The following FAM199X variants were observed in gnomAD, a reference collection of about 807,000 sequenced individuals.
FAM199X encodes the protein protein FAM199X.
FAM199X carries 4 observed loss-of-function variants against 22.9 expected under a neutral mutation model. The observed-to-expected ratio is 0.17, with a 90% CI of 0.09 to 0.40. The LOEUF is 0.40. Among genes scored for constraint, FAM199X ranks in the 10% least tolerant of loss-of-function variants. The pLI, the probability that FAM199X is intolerant of heterozygous loss-of-function variation, is 1.00. For missense variants in FAM199X, 183 were observed against 306.8 expected, an observed-to-expected ratio of 0.60 and a Z score of 3.01; for synonymous variants, 101 against 112.3, an observed-to-expected ratio of 0.90 and a Z score of 0.64.
chrX:104,159,608 C>G, the FAM199X span, among the ~76,000 whole-genome samples: 4 of 112,436 alleles, frequency 3.6e-5, no homozygotes, highest in Non-Finnish European at 7.5e-5. Context: ...CAGAGCTGTT[C>G]TGGGGTCCTA....
chrX:104,159,187 A>G, the FAM199X span, among the ~76,000 whole-genome samples: 1 of 112,325 alleles, frequency 8.9e-6, no homozygotes, highest in African/African-American at 3.2e-5. Context: ...TGGCAGAGGA[A>G]AGACGAGCCA....
chrX:104,184,943 T>C (rs1556378726), intron 2 of FAM199X, among the ~76,000 whole-genome samples: 1 of 108,206 alleles, frequency 9.2e-6, no homozygotes, highest in African/African-American at 3.4e-5. Context: ...TTTTTTCCTT[T>C]CTTTTTTTTT....
Position 104,195,890 on chromosome X carries a change from A to G in FAM199X, c.*6112A>G, listed in dbSNP as rs1922050621. Reference sequence around the variant, plus strand: ...TCAATTTTTAATAAATGTGAGTTAGATACTAAGTGAAATGTGCGTGTGTGT... The same window carrying G: ...TCAATTTTTAATAAATGTGAGTTAGGTACTAAGTGAAATGTGCGTGTGTGT... On this transcript the variant is annotated 3_prime_UTR_variant, in exon 6 of 6. Transcript: ENST00000493442. The G allele has an allele frequency of 9.2e-6, 1 of 109,169 alleles. No individual in the cohort carries two copies. The highest frequency in any genetic ancestry group is 9.7e-5 in the Admixed American group (1 of 10,333). The allele number at this position is 109,169 out of a possible 1,213,427, so 9.0% of individuals were successfully genotyped here.
chrX:104,188,826 AAG>A (rs1491030531), intron 5 of FAM199X, among the ~76,000 whole-genome samples: 4 of 109,823 alleles, frequency 3.6e-5, no homozygotes, highest in African/African-American at 1.3e-4. Flanking sequence ...TAAAAAAAAA[AAG>A]AAGGTATAAG....
the FAM199X span, among the ~76,000 whole-genome samples, chrX:104,161,282 C>T: frequency 1.8e-5 from 2 of 111,893 alleles, no homozygotes; most frequent in Non-Finnish European, 3.8e-5. Context: ...AAATAAATTA[C>T]AATATTTGTA....
Position 104,189,782 on chromosome X carries a change from G to C in FAM199X, c.*4G>C. On this transcript the variant is annotated 3_prime_UTR_variant, in exon 6 of 6. Coordinates refer to ENST00000493442, the MANE Select transcript of FAM199X (RefSeq NM_207318.4). ...AGATGTTGATGTTTTGATGTAATAAGGGTGAATTTATCAACGTTCTTTGTG... is the reference window on the plus strand; with the variant it reads ...AGATGTTGATGTTTTGATGTAATAACGGTGAATTTATCAACGTTCTTTGTG... The C allele has an allele frequency of 8.3e-7, 1 of 1,206,740 alleles. No individual in the cohort carries two copies. The highest frequency in any genetic ancestry group is 1.1e-6 in the Non-Finnish European group (1 of 892,878).
chrX:104,164,776 A>T (rs1279952634), upstream of FAM199X, among the ~76,000 whole-genome samples: 1 of 111,400 alleles, frequency 9.0e-6, no homozygotes, highest in Admixed American at 9.5e-5. Flanking sequence ...GCTACTCAGG[A>T]GGCTGAGGCA....
intron 1 of FAM199X, among the ~76,000 whole-genome samples, chrX:104,170,686 G>A (rs1335210041): frequency 9.0e-6 from 1 of 111,635 alleles, no homozygotes; most frequent in Non-Finnish European, 1.9e-5. Flanking sequence ...AAAAGAAGGT[G>A]GGATGAGAGA....
At chrX:104,179,086 C>T (rs782546389) in intron 2 of FAM199X, among the ~76,000 whole-genome samples, 11 of 111,789 alleles carry the variant, frequency 9.8e-5, no homozygotes, top group South Asian at 3.7e-4. Flanking sequence ...GGTGAGATTG[C>T]GCCATTGCAC....
intron 1 of FAM199X, 144 bp downstream of exon 1, chrX:104,167,126 C>T (rs1921224773): frequency 4.3e-6 from 2 of 470,342 alleles, no homozygotes; most frequent in Non-Finnish European, 6.5e-6. Flanking sequence ...CCTTCCCTGC[C>T]CCCCCTCCCT....
At chrX:104,164,130 T>G (rs921955525), upstream of FAM199X, among the ~76,000 whole-genome samples, 3 of 112,735 alleles carry the variant, frequency 2.7e-5, no homozygotes, top group Non-Finnish European at 5.6e-5. Context: ...TGCACAAACT[T>G]TTTTACAAAG....
intron 1 of FAM199X, among the ~76,000 whole-genome samples, chrX:104,173,625 T>C (rs1377727304): frequency 8.9e-6 from 1 of 112,216 alleles, no homozygotes; most frequent in Non-Finnish European, 1.9e-5. Flanking sequence ...AACAGACTTT[T>C]CATAAGGAAG....
In FAM199X at chrX:104,166,583, G is replaced by GGCCGCTGT. The variant is rs1473964515; in HGVS notation, c.-201_-194dup. The GGCCGCTGT allele has an allele frequency of 6.2e-6, 2 of 320,098 alleles. No individual in the cohort carries two copies. The highest frequency in any genetic ancestry group is 6.2e-5 in the Admixed American group (1 of 16,157). The allele number at this position is 320,098 out of a possible 1,213,427, so 26.4% of individuals were successfully genotyped here. On this transcript the variant is annotated 5_prime_UTR_variant, in exon 1 of 6. Transcript: ENST00000493442. ...CGGGGCGCTAACTGGGTGGCCGGTG[G>GGCCGCTGT]GCCGCTGTGGCCTCGAGCAGCCTCT...
chrX:104,177,843 G>A lies in FAM199X; in HGVS notation c.417+2001G>A, dbSNP rs5962535. ...TATTCTGGCTACTAGACCCTTATCA[G>A]ATATATGATTTGCAAAAATGTTTTT... On this transcript the variant is annotated intron_variant, in intron 2 of 5. Transcript: ENST00000493442. Among the ~76,000 whole-genome samples, 808 of 112,173 alleles carry A rather than the reference G, an allele frequency of 7.2e-3. 9 individuals are homozygous for A. The highest frequency in any genetic ancestry group is 0.025 in the African/African-American group (777 of 30,880).
intron 1 of FAM199X, among the ~76,000 whole-genome samples, chrX:104,168,038 G>C (rs981484298): frequency 4.5e-5 from 5 of 111,728 alleles, no homozygotes; most frequent in African/African-American, 6.5e-5. Context: ...AATGTCTTTA[G>C]CATATTTCTC....
chrX:104,177,308 T>A (rs1306177258), intron 2 of FAM199X, among the ~76,000 whole-genome samples: 1 of 112,280 alleles, frequency 8.9e-6, no homozygotes, highest in Admixed American at 9.4e-5. Context: ...TTCCTTTCTA[T>A]GGCTAATATT....
rs1165504084 is a variant in FAM199X, at chrX:104,192,338, CCTAA to C, written c.*2566_*2569del. Reference sequence around the variant, plus strand: ...GTAATATTTATTTTTAAATACAAATCCTAACTAACCAATTAATTAATAAAAAGGC... The same window carrying C: ...GTAATATTTATTTTTAAATACAAATCCTAACCAATTAATTAATAAAAAGGC... On this transcript the variant is annotated 3_prime_UTR_variant, in exon 6 of 6. Coordinates refer to ENST00000493442, the MANE Select transcript of FAM199X (RefSeq NM_207318.4). 1 of 111,637 alleles carries C rather than the reference CCTAA, an allele frequency of 9.0e-6. No homozygotes were observed. Among genetic ancestry groups the C allele is most frequent in the African/African-American group, 3.2e-5 (1 of 30,844 alleles). 9.2% of individuals were successfully genotyped at this position (111,637 alleles called of 1,213,427 possible).
chrX:104,181,899 A>AT (rs1242412720), intron 2 of FAM199X, among the ~76,000 whole-genome samples: 1 of 109,817 alleles, frequency 9.1e-6, no homozygotes, highest in Non-Finnish European at 1.9e-5. Flanking sequence ...AATGTCACCA[A>AT]TTTTTTTCTG....
Position 104,172,239 on chromosome X carries a change from CAAAAAAAAAAA to C in FAM199X, c.198-3376_198-3366del, listed in dbSNP as rs782684130. The stretch of plus-strand genomic sequence containing the variant: ...CAACGTGATGAAACCCTTTCTCTTC[CAAAAAAAAAAA>C]AAAAAAAGAAATGTGAAAATTAGCC... On this transcript the variant is annotated intron_variant, in intron 1 of 5. Transcript: ENST00000493442. Among the ~76,000 whole-genome samples the C allele has an allele frequency of 5.8e-3, 371 of 63,753 alleles. 1 individual carries two copies. Among genetic ancestry groups the C allele is most frequent in the African/African-American group, 0.021 (358 of 17,408 alleles). 55.4% of individuals were successfully genotyped at this position (63,753 alleles called of 115,157 possible). A position where few individuals can be genotyped will look rare whatever the true frequency, so the allele number is the denominator to read the frequency against.
Sources: gnomAD v4.1 joint callset for allele counts (sites outside exome capture counted in the v4.1 genomes callset) on GRCh38, gnomAD v4.1.1 for gene constraint, MANE v1.5 for transcripts, NCBI Gene and HGNC (gene_info 2026-07-23, HGNC 2026-07-21) for gene names.